Variants in EPB41L5 observed in about 807,000 individuals in gnomAD.
EPB41L5 encodes the protein erythrocyte membrane protein band 4.1 like 5.
EPB41L5 carries 55 observed loss-of-function variants against 106.6 expected under a neutral mutation model. That is an observed-to-expected ratio of 0.52 (90% CI 0.42 to 0.65). The LOEUF is 0.65. Ranked by LOEUF, EPB41L5 falls within the 30% of genes least tolerant of loss-of-function variation. The pLI is 0.00. For synonymous variants in EPB41L5, 297 were observed against 306.7 expected, an observed-to-expected ratio of 0.97 and a Z score of 0.33; for missense variants, 871 against 882.1, an observed-to-expected ratio of 0.99 and a Z score of 0.16.
rs1209340287 is a variant in EPB41L5 at position 120,176,512 on chromosome 2, T to G, written c.*1605T>G. 1.3e-5 allele frequency: 2 copies of G among 152,230 alleles called. No individual in the cohort carries two copies. Among genetic ancestry groups the G allele is most frequent in the East Asian group, 3.8e-4 (2 of 5,198 alleles). The allele number at this position is 152,230 out of a possible 1,614,324, so 9.4% of individuals were successfully genotyped here. On this transcript the variant is annotated 3_prime_UTR_variant, in exon 25 of 25. Transcript: ENST00000263713. The stretch of plus-strand genomic sequence containing the variant: ...CTGTTTCCCAGGGAGCTGTAGTGAT[T>G]GGAACCCACGTTTGCACAAAACATT...
chr2:120,168,376 A>G (rs1687512632), intron 24 of EPB41L5, among the ~76,000 whole-genome samples: 1 of 152,242 alleles, frequency 6.6e-6, no homozygotes, highest in South Asian at 2.1e-4. Context: ...GAGGTGCAGT[A>G]TAAGTGGGTA....
At chr2:120,124,771 T>A (rs918270883) in intron 16 of EPB41L5, among the ~76,000 whole-genome samples, 2 of 151,610 alleles carry the variant, frequency 1.3e-5, no homozygotes, top group Admixed American at 6.6e-5. Context: ...CCCCAGCCTA[T>A]TTTTTTTACC....
At chr2:120,026,956 G>C (rs1678362602) in intron 2 of EPB41L5, among the ~76,000 whole-genome samples, 1 of 152,208 alleles carries the variant, frequency 6.6e-6, no homozygotes, top group South Asian at 2.1e-4. Flanking sequence ...CACATGAAAA[G>C]AAGCTCAACA....
intron 16 of EPB41L5, among the ~76,000 whole-genome samples, chr2:120,125,567 T>A (rs1282762015): frequency 1.3e-5 from 2 of 152,196 alleles, no homozygotes; most frequent in Non-Finnish European, 2.9e-5. Flanking sequence ...GATGCCTTTC[T>A]CCACTTTCAG....
At chr2:120,053,153 A>G (rs1680402605) in intron 3 of EPB41L5, among the ~76,000 whole-genome samples, 1 of 152,192 alleles carries the variant, frequency 6.6e-6, no homozygotes, top group African/African-American at 2.4e-5. Flanking sequence ...AAGGATTGTG[A>G]AACTTGTCAC....
intron 16 of EPB41L5, among the ~76,000 whole-genome samples, chr2:120,110,859 C>T (rs1330046630): frequency 1.3e-5 from 2 of 152,020 alleles, no homozygotes; most frequent in East Asian, 3.9e-4. Flanking sequence ...TGGTCTCAAA[C>T]CCCTGGCCTC....
chr2:120,061,035 T>TTTG (rs1176477132), intron 3 of EPB41L5, among the ~76,000 whole-genome samples: 6 of 103,052 alleles, frequency 5.8e-5, no homozygotes, highest in African/African-American at 1.8e-4. Flanking sequence ...AGGGAAGTTT[T>TTTG]TTTTTTTTTT....
chr2:120,048,915 C>T (rs1393158276), intron 3 of EPB41L5, among the ~76,000 whole-genome samples: 5 of 152,130 alleles, frequency 3.3e-5, no homozygotes, highest in South Asian at 4.1e-4. Flanking sequence ...GCCTTCATTT[C>T]GTTAGGTACC....
chr2:120,083,090 G>A (rs1003001293), intron 10 of EPB41L5, among the ~76,000 whole-genome samples: 1 of 152,098 alleles, frequency 6.6e-6, no homozygotes, highest in African/African-American at 2.4e-5. Flanking sequence ...AGGGTTTTTT[G>A]TGTCTCTATC....
chr2:120,127,838 A>C lies in EPB41L5; in HGVS notation c.1488A>C (p.Glu496Asp). The C allele has an allele frequency of 6.2e-7, 1 of 1,610,738 alleles. No individual in the cohort carries two copies. The highest frequency in any genetic ancestry group is 8.5e-7 in the Non-Finnish European group (1 of 1,177,638). The part of the protein sequence containing the change: ...ATRLPGLGEP[E>D]VEYETLKDTS... Reference sequence around the variant, plus strand: ...GGCTTCCGGGATTAGGGGAACCTGAAGTTGAATATGAGAGTAAGTAAATGT... The same window carrying C: ...GGCTTCCGGGATTAGGGGAACCTGACGTTGAATATGAGAGTAAGTAAATGT... The change falls in exon 17 of 25, where the codon GAA becomes GAC. Residue 496 changes from glutamate to aspartate, a missense_variant. By Grantham distance (45) the Glu-to-Asp change is conservative. Coordinates refer to ENST00000263713, the MANE Select transcript of EPB41L5 (RefSeq NM_020909.4).
At chr2:120,033,882 C>T (rs1391489309) in intron 2 of EPB41L5, among the ~76,000 whole-genome samples, 1 of 151,734 alleles carries the variant, frequency 6.6e-6, no homozygotes, top group Non-Finnish European at 1.5e-5. Context: ...TTGCTTGAGC[C>T]CAGGAGTTTG....
At chr2:120,169,854 T>C (rs1687593756) in intron 24 of EPB41L5, among the ~76,000 whole-genome samples, 2 of 152,206 alleles carry the variant, frequency 1.3e-5, no homozygotes, top group Admixed American at 1.3e-4. Context: ...CAAACTACCA[T>C]GTCACAGTGC....
At chr2:120,081,541 G>C (rs545012027) in intron 10 of EPB41L5, among the ~76,000 whole-genome samples, 1 of 152,116 alleles carries the variant, frequency 6.6e-6, no homozygotes, top group African/African-American at 2.4e-5. Context: ...GTCAGGTAGC[G>C]TAATGCCTTC....
At position 120,106,144 on chromosome 2, in the gene EPB41L5, T is replaced by G. The variant is rs925189181; in HGVS notation, c.1337+5330T>G. On this transcript the variant is annotated intron_variant, in intron 16 of 24. Coordinates refer to ENST00000263713, the MANE Select transcript of EPB41L5 (RefSeq NM_020909.4). ...AGTACTGTTACATTTAAGGGAAGAT[T>G]CACCTCATGATTTTTCTTTTGTTGA... is the stretch of plus-strand genomic sequence containing the variant. 5.1e-6 allele frequency: 5 copies of G among 985,264 alleles called. No individual in the cohort carries two copies. The Admixed American group carries it at 2.5e-4, about 48-fold the overall frequency. 61.0% of individuals were successfully genotyped at this position (985,264 alleles called of 1,614,324 possible).
rs375754153 is a variant in EPB41L5, at chr2:120,061,031, G to GTTTTTTTTTT, written c.286-12129_286-12120dup. ...TTAGAATTTTAACTGGTTCAGGGAA[G>GTTTTTTTTTT]TTTTTTTTTTTTTTTTTTTTTTTTT... On this transcript the variant is annotated intron_variant, in intron 3 of 24. Transcript: ENST00000263713. 6.9e-4 allele frequency among the ~76,000 whole-genome samples: 48 copies of GTTTTTTTTTT among 69,128 alleles called. 10 individuals carry two copies. The highest frequency in any genetic ancestry group is 1.3e-3 in the African/African-American group (22 of 16,858). 45.4% of individuals were successfully genotyped at this position (69,128 alleles called of 152,430 possible).
At chr2:120,151,920 T>A (rs1027585123) in intron 20 of EPB41L5, among the ~76,000 whole-genome samples, 2 of 152,064 alleles carry the variant, frequency 1.3e-5, no homozygotes, top group African/African-American at 4.8e-5. Flanking sequence ...CCCAGCTGGT[T>A]TTTTCTGCAT....
chr2:120,077,070 T>C lies in EPB41L5; in HGVS notation c.605T>C (p.Phe202Ser), dbSNP rs758958392. The C allele has an allele frequency of 1.9e-6, 3 of 1,612,838 alleles. No individual in the cohort carries two copies. Among genetic ancestry groups the C allele is most frequent in the South Asian group, 1.1e-5 (1 of 90,836 alleles). ...IQTEEMELAI[F>S]EKWKEYRGQT... ...ACTGAAGAGATGGAACTGGCTATTT[T>C]TGAGAAATGGAAGGAATACAGGTAT... Residue 202 changes from phenylalanine (F) to serine (S), a missense_variant, in exon 8 of 25, where the codon TTT (phenylalanine) becomes TCT (serine). Phe to Ser is a radical substitution (Grantham distance 155). Coordinates refer to ENST00000263713, the MANE Select transcript of EPB41L5 (RefSeq NM_020909.4).
At chr2:120,053,431 AT>A (rs1280672161) in intron 3 of EPB41L5, among the ~76,000 whole-genome samples, 1 of 152,234 alleles carries the variant, frequency 6.6e-6, no homozygotes, top group Non-Finnish European at 1.5e-5. Flanking sequence ...TTGTTCAGCC[AT>A]CATCACTAAT....
chr2:120,131,599 C>G lies in EPB41L5; in HGVS notation c.1502-19C>G. On this transcript the variant is annotated intron_variant, in intron 17 of 24. Transcript: ENST00000263713. ...GCCTGGCAGACTGGGGTTATTTTGC[C>G]TTTTTTTTTTCTTTTCAGCATTAAA... 7.4e-7 allele frequency: 1 copy of G among 1,342,436 alleles called. No homozygotes were observed. The highest frequency in any genetic ancestry group is 1.0e-6 in the Non-Finnish European group (1 of 965,200). 83.2% of individuals were successfully genotyped at this position (1,342,436 alleles called of 1,614,324 possible). A position where few individuals can be genotyped will look rare whatever the true frequency, so the allele number is the denominator to read the frequency against.
Sources: allele counts gnomAD v4.1 joint callset (sites outside exome capture counted in the v4.1 genomes callset), GRCh38; gene constraint gnomAD v4.1.1; transcripts MANE v1.5; gene names NCBI Gene and HGNC (gene_info 2026-07-23, HGNC 2026-07-21).